The following SPRING1 variants were observed in gnomAD, a reference collection of about 807,000 sequenced individuals.
SPRING1 encodes the protein SREBF pathway regulator in golgi 1, also known as SREBP regulating gene protein.
A neutral mutation model predicts 24.7 loss-of-function variants in SPRING1; 14 were observed. The observed-to-expected ratio is 0.57, with a 90% CI of 0.37 to 0.88. SPRING1 has a LOEUF of 0.88. Among genes scored for constraint, SPRING1 ranks in the 40% least tolerant of loss-of-function variants. The probability of loss-of-function intolerance (pLI) is 0.00; values close to 1 mark genes in which losing one functional copy is unlikely to be tolerated. For missense variants in SPRING1, 255 were observed against 268.4 expected, an observed-to-expected ratio of 0.95 and a Z score of 0.35; for synonymous variants, 93 against 106.1, an observed-to-expected ratio of 0.88 and a Z score of 0.76.
rs1870236207 is a variant in SPRING1, at chr12:116,717,892, C to T, written c.536G>A (p.Ser179Asn). ...CCGGTAGGTGTTCTCATGCTGCACG[C>T]TCTGTTGGCAAAAGGAAAATAAGAG... ...CLAKCRTSSQ[S>N]VQHENTYRDP... Residue 179 changes from serine (S) to asparagine (N), a missense_variant and splice_region_variant, in exon 5 of 5, where the codon AGC becomes AAC. Coordinates refer to ENST00000261318, the MANE Select transcript of SPRING1 (RefSeq NM_024738.4). This position sits in a 1 kb window ranked among gnomAD's most constrained non-coding sequence, Gnocchi z 4.2. 2 of 1,600,642 alleles carry T rather than the reference C, an allele frequency of 1.2e-6. No individual in the cohort carries two copies. Among genetic ancestry groups the T allele is most frequent in the Non-Finnish European group, 1.7e-6 (2 of 1,171,826 alleles).
chr12:116,724,828 G>A (rs912539213), intron 1 of SPRING1, among the ~76,000 whole-genome samples: 2 of 152,186 alleles, frequency 1.3e-5, no homozygotes, highest in African/African-American at 2.4e-5. Context: ...TTGCACATTA[G>A]ATTAATGTAG....
At chr12:116,737,113 C>T (rs940774927) in intron 1 of SPRING1, among the ~76,000 whole-genome samples, 9 of 152,192 alleles carry the variant, frequency 5.9e-5, no homozygotes, top group African/African-American at 1.9e-4. Context: ...CAGTCCCCAC[C>T]GCTGAAGGGT....
intron 1 of SPRING1, among the ~76,000 whole-genome samples, chr12:116,737,015 G>A (rs1398078045): frequency 6.6e-6 from 1 of 152,168 alleles, no homozygotes; most frequent in Admixed American, 6.6e-5. Context: ...ACTTCTCCCA[G>A]GCCTGCTGCG....
At chr12:116,724,280 A>C (rs1359011763) in intron 1 of SPRING1, among the ~76,000 whole-genome samples, 4 of 152,268 alleles carry the variant, frequency 2.6e-5, no homozygotes, top group African/African-American at 9.6e-5. Flanking sequence ...CTAGGAAAGT[A>C]ATCTAGGAAG....
At chr12:116,736,780 C>A (rs574554125) in intron 1 of SPRING1, among the ~76,000 whole-genome samples, 1 of 152,148 alleles carries the variant, frequency 6.6e-6, no homozygotes, top group South Asian at 2.1e-4. Context: ...TGCTGTTTCT[C>A]CCAGAAATTC....
chr12:116,735,331 A>G lies in SPRING1; in HGVS notation c.111+2459T>C, dbSNP rs184159900. On this transcript the variant is annotated intron_variant, in intron 1 of 4. Transcript: ENST00000261318. ...GGGAGAAATGGAGAGTTATTGTTAA[A>G]TGAATATTAAGTTTCAGTTTCTACA... Among the ~76,000 whole-genome samples the G allele has an allele frequency of 2.1e-3, 313 of 152,310 alleles. 3 individuals carry two copies. The highest frequency in any genetic ancestry group is 5.7e-4 in the Non-Finnish European group (39 of 68,030).
intron 1 of SPRING1, among the ~76,000 whole-genome samples, chr12:116,729,714 C>T (rs1222814989): frequency 6.6e-6 from 1 of 151,956 alleles, no homozygotes; most frequent in African/African-American, 2.4e-5. Flanking sequence ...AAACGCCAAT[C>T]AAAAAAGACC....
In SPRING1 at chr12:116,720,575, G is replaced by C. The variant is rs12321207; in HGVS notation, c.269-128C>G. 1 of 1,262,508 alleles carries C rather than the reference G, an allele frequency of 7.9e-7. No individual in the cohort carries two copies. The highest frequency in any genetic ancestry group is 2.2e-5 in the Admixed American group (1 of 44,976). 78.2% of individuals were successfully genotyped at this position (1,262,508 alleles called of 1,614,324 possible). Reference sequence around the variant, plus strand: ...AGTCTGGGGCATCATCCTAAGCACCGGAGAGCTGGAAACTGGACATAATGT... The same window carrying C: ...AGTCTGGGGCATCATCCTAAGCACCCGAGAGCTGGAAACTGGACATAATGT... On this transcript the variant is annotated intron_variant, in intron 2 of 4. Coordinates refer to ENST00000261318, the MANE Select transcript of SPRING1 (RefSeq NM_024738.4). This position sits in a 1 kb window ranked among gnomAD's most constrained non-coding sequence, Gnocchi z 4.0.
At position 116,720,223 on chromosome 12, in the gene SPRING1, G is replaced by C. The variant is rs1870358601; in HGVS notation, c.420+73C>G. The C allele has an allele frequency of 6.8e-7, 1 of 1,476,920 alleles. No individual in the cohort carries two copies. The highest frequency in any genetic ancestry group is 9.0e-7 in the Non-Finnish European group (1 of 1,108,480). The allele number at this position is 1,476,920 out of a possible 1,614,324, so 91.5% of individuals were successfully genotyped here. On this transcript the variant is annotated intron_variant, in intron 3 of 4. Transcript: ENST00000261318. The surrounding 1 kb of genome is among the most constrained non-coding windows in gnomAD (Gnocchi z 4.0). The stretch of plus-strand genomic sequence containing the variant: ...TATTTTCAGAGGAATCTCACATGAA[G>C]AGCCTAATGCTCATCATAAAACAGA...
chr12:116,731,449 T>C (rs1870971202), intron 1 of SPRING1, among the ~76,000 whole-genome samples: 1 of 152,056 alleles, frequency 6.6e-6, no homozygotes, highest in Admixed American at 6.5e-5. Context: ...GTTAGGTTAT[T>C]ATAAAAAACT....
At chr12:116,725,948 G>A (rs577796640) in intron 1 of SPRING1, among the ~76,000 whole-genome samples, 11 of 151,618 alleles carry the variant, frequency 7.3e-5, no homozygotes, top group African/African-American at 2.7e-4. Context: ...TGAAAAACAC[G>A]ATTACCAACA....
rs35435981 is a variant in SPRING1 at position 116,736,112 on chromosome 12, GAA to G, written c.111+1676_111+1677del. 1.0e-3 allele frequency among the ~76,000 whole-genome samples: 142 copies of G among 135,918 alleles called. No individual in the cohort carries two copies. In the Middle Eastern group the frequency reaches 0.012, roughly 11 times the overall value. 89.2% of individuals were successfully genotyped at this position (135,918 alleles called of 152,430 possible). On this transcript the variant is annotated intron_variant, in intron 1 of 4. Transcript: ENST00000261318. ...TATTTTACCACAATAAAAAAAAATT[GAA>G]AAAAAAAAAAGATATCAACTAGGCA...
At chr12:116,736,224 C>T (rs376522346) in intron 1 of SPRING1, among the ~76,000 whole-genome samples, 1 of 152,160 alleles carries the variant, frequency 6.6e-6, no homozygotes, top group East Asian at 1.9e-4. Context: ...CTCCAGAGAT[C>T]ACCTGAGTAT....
chr12:116,737,704 G>A (rs182123762), intron 1 of SPRING1, 86 bp downstream of exon 1: 19 of 1,340,830 alleles, frequency 1.4e-5, no homozygotes, highest in Middle Eastern at 4.9e-4. Context: ...AAGGAGGAAG[G>A]TAACGAAGGA....
rs1023201366 is a variant in SPRING1 at position 116,712,191 on chromosome 12, G to A, written c.*5619C>T. ...TTTGCTCATTGGTTGTAACTGGCAAGTCATTCTCTTTACTACATTAAAGTC... is the reference window on the plus strand; with the variant it reads ...TTTGCTCATTGGTTGTAACTGGCAAATCATTCTCTTTACTACATTAAAGTC... On this transcript the variant is annotated 3_prime_UTR_variant, in exon 5 of 5. Coordinates refer to ENST00000261318, the MANE Select transcript of SPRING1 (RefSeq NM_024738.4). 6.6e-6 allele frequency: 1 copy of A among 152,200 alleles called. No homozygotes were observed. The highest frequency in any genetic ancestry group is 1.5e-5 in the Non-Finnish European group (1 of 68,044). The allele number at this position is 152,200 out of a possible 1,614,324, so 9.4% of individuals were successfully genotyped here.
At chr12:116,719,978 G>C in intron 3 of SPRING1, 102 bp from the exon 4 acceptor site, 1 of 1,049,590 alleles carries the variant, frequency 9.5e-7, no homozygotes, top group South Asian at 1.4e-5. Context: ...ACAGGGAAGG[G>C]GGGAAGAGGA....
chr12:116,737,777 G>A lies in SPRING1; in HGVS notation c.111+13C>T. 1 of 1,515,154 alleles carries A rather than the reference G, an allele frequency of 6.6e-7. No individual in the cohort carries two copies. Among genetic ancestry groups the A allele is most frequent in the Non-Finnish European group, 8.9e-7 (1 of 1,117,630 alleles). The allele number at this position is 1,515,154 out of a possible 1,614,324, so 93.9% of individuals were successfully genotyped here. On this transcript the variant is annotated intron_variant, in intron 1 of 4. Coordinates refer to ENST00000261318, the MANE Select transcript of SPRING1 (RefSeq NM_024738.4). ...AAGAAGGGAAGGGGAGGAGGGGAAG[G>A]GCGGCCACTGACCTGCTTGAAGGTG...
At position 116,723,095 on chromosome 12, in the gene SPRING1, T is replaced by C; in HGVS notation, c.240A>G (p.Gln80=). The C allele has an allele frequency of 3.7e-6, 6 of 1,612,604 alleles. No homozygotes were observed. Among genetic ancestry groups the C allele is most frequent in the Non-Finnish European group, 5.1e-6 (6 of 1,180,042 alleles). Residue 80 remains glutamine (Q), a synonymous_variant, in exon 2 of 5, where the codon CAA becomes CAG. Coordinates refer to ENST00000261318, the MANE Select transcript of SPRING1 (RefSeq NM_024738.4). ...RPSNQCRNSI[Q]GKHLITDELG... ...GTTCATCCGTGATGAGGTGCTTCCC[T>C]TGAATGGAGTTGCGGCACTGATTGC...
chr12:116,732,186 G>A (rs898673846), intron 1 of SPRING1, among the ~76,000 whole-genome samples: 4 of 152,200 alleles, frequency 2.6e-5, no homozygotes, highest in South Asian at 2.1e-4. Context: ...ACTGCTGCTG[G>A]AGCAGACATA....
Sources: gnomAD v4.1 joint callset for allele counts (sites outside exome capture counted in the v4.1 genomes callset) on GRCh38, gnomAD v4.1.1 for gene constraint, Gnocchi (gnomAD v3.1) non-coding constraint, MANE v1.5 for transcripts, NCBI Gene and HGNC (gene_info 2026-07-23, HGNC 2026-07-21) for gene names.